CNTN5: variants seen among roughly 807,000 people sequenced by gnomAD.
CNTN5 encodes contactin 5.
Under a neutral mutation model 129.1 loss-of-function variants are expected in CNTN5, and 77 were observed. The ratio of observed to expected loss-of-function variants is 0.60; its 90% confidence interval spans 0.50 to 0.72. CNTN5 has a LOEUF of 0.72. CNTN5 is among the 30% of genes least tolerant of loss of function. The pLI, the probability that CNTN5 is intolerant of heterozygous loss-of-function variation, is 0.00. For missense variants in CNTN5, 1,478 were observed against 1,328.8 expected (o/e 1.11, Z -1.75); for synonymous variants, 509 against 465.6 (o/e 1.09, Z -1.20).
chr11:99,725,641 A>G (rs1943311735), intron 3 of CNTN5, among the ~76,000 whole-genome samples: 1 of 152,178 alleles, frequency 6.6e-6, no homozygotes, highest in Non-Finnish European at 1.5e-5. Flanking sequence ...ATCTAAATTC[A>G]TTACTTCAAA....
intron 3 of CNTN5, among the ~76,000 whole-genome samples, chr11:99,785,730 A>G (rs1945496711): frequency 6.6e-6 from 1 of 152,302 alleles, no homozygotes; most frequent in African/African-American, 2.4e-5. Context: ...TATCATAAAC[A>G]TAAACAGAAC....
intron 9 of CNTN5, among the ~76,000 whole-genome samples, chr11:100,048,105 TG>T (rs1565825606): frequency 1.3e-5 from 2 of 152,114 alleles, no homozygotes; most frequent in African/African-American, 4.8e-5. Flanking sequence ...TACTCCAGCC[TG>T]GGTGACAGAG....
chr11:99,281,057 T>G (rs1863673343), intron 1 of CNTN5, among the ~76,000 whole-genome samples: 1 of 151,798 alleles, frequency 6.6e-6, no homozygotes, highest in Non-Finnish European at 1.5e-5. Flanking sequence ...GGATTACAAT[T>G]ACTAAACCTG....
At chr11:100,306,293 T>C (rs2138914880) in intron 20 of CNTN5, among the ~76,000 whole-genome samples, 1 of 151,800 alleles carries the variant, frequency 6.6e-6, no homozygotes, top group African/African-American at 2.4e-5. Context: ...TTTTAAACTT[T>C]CTATTTGAGA....
intron 1 of CNTN5, among the ~76,000 whole-genome samples, chr11:99,067,788 T>C (rs1865164299): frequency 6.6e-6 from 1 of 152,176 alleles, no homozygotes; most frequent in Non-Finnish European, 1.5e-5. Context: ...CATTTATTAA[T>C]TTATTAAGTA....
intron 13 of CNTN5, among the ~76,000 whole-genome samples, chr11:100,142,742 C>T (rs912613765): frequency 1.3e-5 from 2 of 151,870 alleles, no homozygotes; most frequent in African/African-American, 2.4e-5. Flanking sequence ...TATTTTTTCA[C>T]TGCATTAATG....
At chr11:100,254,878 G>A (rs1950035776) in intron 16 of CNTN5, among the ~76,000 whole-genome samples, 1 of 152,134 alleles carries the variant, frequency 6.6e-6, no homozygotes, top group African/African-American at 2.4e-5. Flanking sequence ...CCATACTATG[G>A]AATGGAAGAA....
At chr11:99,884,539 G>A (rs1402245868) in intron 6 of CNTN5, among the ~76,000 whole-genome samples, 1 of 152,140 alleles carries the variant, frequency 6.6e-6, no homozygotes, top group Non-Finnish European at 1.5e-5. Context: ...AAGATGCAGT[G>A]GCTGAGAATT....
At chr11:99,881,610 T>A (rs1948774081) in intron 6 of CNTN5, among the ~76,000 whole-genome samples, 2 of 152,162 alleles carry the variant, frequency 1.3e-5, no homozygotes, top group African/African-American at 4.8e-5. Flanking sequence ...AGTCCTCAGG[T>A]AGTATATAGT....
At chr11:99,596,896 T>C (rs1047277981) in intron 3 of CNTN5, among the ~76,000 whole-genome samples, 7 of 152,190 alleles carry the variant, frequency 4.6e-5, no homozygotes, top group Non-Finnish European at 7.3e-5. Flanking sequence ...AAAACTAATA[T>C]GCTTGAAAAA....
intron 18 of CNTN5, among the ~76,000 whole-genome samples, chr11:100,290,894 C>T (rs1206659304): frequency 1.3e-5 from 2 of 151,562 alleles, no homozygotes; most frequent in South Asian, 2.1e-4. Flanking sequence ...CTACAATGAA[C>T]TCAAACAAAT....
intron 3 of CNTN5, among the ~76,000 whole-genome samples, chr11:99,771,998 A>G (rs1052024149): frequency 6.6e-6 from 1 of 152,052 alleles, no homozygotes; most frequent in East Asian, 1.9e-4. Context: ...AATAAAAAAT[A>G]TGGGCACTGA....
chr11:99,866,545 C>T (rs548980703), intron 6 of CNTN5, among the ~76,000 whole-genome samples: 2 of 152,252 alleles, frequency 1.3e-5, no homozygotes, highest in Non-Finnish European at 2.9e-5. Context: ...AGGGTATCTG[C>T]TATGCATGGT....
intron 9 of CNTN5, among the ~76,000 whole-genome samples, chr11:100,054,230 C>T (rs996879575): frequency 2.6e-5 from 4 of 151,708 alleles, no homozygotes; most frequent in Non-Finnish European, 4.4e-5. Flanking sequence ...GCAAGCCATA[C>T]TCAAAGCATG....
At chr11:99,213,833 CTT>C in intron 1 of CNTN5, among the ~76,000 whole-genome samples, 1 of 152,182 alleles carries the variant, frequency 6.6e-6, no homozygotes, top group South Asian at 2.1e-4. Flanking sequence ...AGAGATCTAT[CTT>C]TTACATAATC....
At chr11:100,343,924 A>G (rs1232828425) in intron 23 of CNTN5, among the ~76,000 whole-genome samples, 1 of 152,108 alleles carries the variant, frequency 6.6e-6, no homozygotes, top group Admixed American at 6.6e-5. Context: ...GACACAGGAC[A>G]CTAATCATTT....
At chr11:99,761,768 G>A (rs2135281648) in intron 3 of CNTN5, among the ~76,000 whole-genome samples, 1 of 133,130 alleles carries the variant, frequency 7.5e-6, no homozygotes, top group African/African-American at 2.8e-5. Context: ...ATAGTCCTTT[G>A]GGTATATACC....
At chr11:99,579,891 G>C (rs1011326883) in intron 3 of CNTN5, among the ~76,000 whole-genome samples, 26 of 150,436 alleles carry the variant, frequency 1.7e-4, no homozygotes, top group African/African-American at 7.4e-5. Flanking sequence ...GTGAGAGAGG[G>C]CATCCCTGTC....
In CNTN5 at chr11:99,685,856, G is replaced by C. The variant is rs924005249; in HGVS notation, c.55+129587G>C. ...TTTTATGTTTTACTATTTGTATCTT[G>C]TATACTCCTTTTTTCCTTCTTCATG... On this transcript the variant is annotated intron_variant, in intron 3 of 24. Transcript: ENST00000524871. Among the ~76,000 whole-genome samples, 3 of 151,918 alleles carry C rather than the reference G, an allele frequency of 2.0e-5. No individual in the cohort carries two copies. The South Asian group carries it at 6.2e-4, about 32-fold the overall frequency.
Sources: allele counts gnomAD v4.1 joint callset (sites outside exome capture counted in the v4.1 genomes callset), GRCh38; gene constraint gnomAD v4.1.1; transcripts MANE v1.5; gene names NCBI Gene and HGNC (gene_info 2026-07-23, HGNC 2026-07-21).